Variants in LY6S observed in about 807,000 individuals in gnomAD.
LY6S encodes lymphocyte antigen 6 family member S, also known as lymphocyte antigen 6S.
the LY6S span, among the ~76,000 whole-genome samples, chr8:143,047,110 A>G: frequency 6.6e-6 from 1 of 151,848 alleles, no homozygotes; most frequent in Non-Finnish European, 1.5e-5. Context: ...AAAACTAACG[A>G]AAGACCACAA....
At chr8:143,064,664 T>C in the LY6S span, among the ~76,000 whole-genome samples, 1 of 152,226 alleles carries the variant, frequency 6.6e-6, no homozygotes, top group Admixed American at 6.5e-5. Flanking sequence ...TTTCTGTGTC[T>C]GTGGGTATGC....
chr8:143,076,294 A>C, the LY6S span, among the ~76,000 whole-genome samples: 1 of 152,160 alleles, frequency 6.6e-6, no homozygotes, highest in Non-Finnish European at 1.5e-5. Context: ...TGAGGCCCCC[A>C]CTGCTGACCC....
chr8:143,074,494 A>T, the LY6S span, among the ~76,000 whole-genome samples: 1 of 152,164 alleles, frequency 6.6e-6, no homozygotes, highest in South Asian at 2.1e-4. Context: ...TTCAGGTATT[A>T]TATTAATTGG....
At chr8:143,060,308 C>T in the LY6S span, among the ~76,000 whole-genome samples, 15 of 152,314 alleles carry the variant, frequency 9.8e-5, no homozygotes, top group African/African-American at 1.7e-4. Flanking sequence ...CAGTCAAGCC[C>T]GCCCGCAGTT....
the LY6S span, among the ~76,000 whole-genome samples, chr8:143,045,748 C>T: frequency 2.0e-5 from 3 of 152,240 alleles, no homozygotes; most frequent in Non-Finnish European, 4.4e-5. The surrounding 1 kb of genome is among the most constrained non-coding windows in gnomAD (Gnocchi z 5.3). Flanking sequence ...CTCAGCGGCT[C>T]CTCCCCTCAG....
chr8:143,066,689 A>T, the LY6S span: 1 of 156,082 alleles, frequency 6.4e-6, no homozygotes. Context: ...TCCCCATTGT[A>T]TCTTGGAAAT....
the LY6S span, among the ~76,000 whole-genome samples, chr8:143,060,887 T>A: frequency 1.3e-5 from 2 of 151,900 alleles, no homozygotes; most frequent in Non-Finnish European, 2.9e-5. Flanking sequence ...TAACCACTGA[T>A]GAATCACGTA....
At chr8:143,070,461 TATAATATATATATAAATATATATATATA>T in the LY6S span, among the ~76,000 whole-genome samples, 138 of 44,040 alleles carry the variant, frequency 3.1e-3, 4 homozygotes, top group African/African-American at 9.3e-3. Flanking sequence ...TATATATATA[TATAATATATATATAAATATATATATATA>T]TTTTTTTTTT....
chr8:143,043,182 C>T, the LY6S span: 2 of 1,367,904 alleles, frequency 1.5e-6, no homozygotes, highest in Non-Finnish European at 2.0e-6. Context: ...GCACAGGGCC[C>T]AGGGGCTGCT....
chr8:143,062,981 G>C, the LY6S span, among the ~76,000 whole-genome samples: 1 of 152,180 alleles, frequency 6.6e-6, no homozygotes, highest in Non-Finnish European at 1.5e-5. Context: ...CTTGGTATTG[G>C]CAAAGGGGAC....
At chr8:143,053,276 GT>G in the LY6S span, 13 of 152,214 alleles carry the variant, frequency 8.5e-5, no homozygotes, top group African/African-American at 2.9e-4. Context: ...AGGCTCTGAA[GT>G]TTCTATTCAA....
At chr8:143,051,315 C>T in the LY6S span, among the ~76,000 whole-genome samples, 5 of 152,022 alleles carry the variant, frequency 3.3e-5, no homozygotes, top group Admixed American at 6.6e-5. Context: ...CCAAGGCGAG[C>T]GGATCATCTG....
At chr8:143,052,885 C>T in the LY6S span, among the ~76,000 whole-genome samples, 1 of 152,186 alleles carries the variant, frequency 6.6e-6, no homozygotes, top group Non-Finnish European at 1.5e-5. Context: ...TTTGAAATGA[C>T]TTATGGGAGA....
At chr8:143,048,224 C>G in the LY6S span, among the ~76,000 whole-genome samples, 1 of 152,200 alleles carries the variant, frequency 6.6e-6, no homozygotes, top group Non-Finnish European at 1.5e-5. Context: ...TCTAAGTTGC[C>G]TGGACCGTTT....
chr8:143,043,156 T>C, the LY6S span: 1 of 1,367,564 alleles, frequency 7.3e-7, no homozygotes, highest in Non-Finnish European at 9.8e-7. Context: ...GACCCCAGGC[T>C]GAGCAGGAGC....
the LY6S span, among the ~76,000 whole-genome samples, chr8:143,069,424 A>G: frequency 5.3e-5 from 8 of 152,302 alleles, no homozygotes; most frequent in East Asian, 1.5e-3. Flanking sequence ...TCTGTCCATT[A>G]GTATCTAATT....
chr8:143,043,247 G>T, the LY6S span: 1 of 1,365,104 alleles, frequency 7.3e-7, no homozygotes, highest in African/African-American at 1.5e-5. Flanking sequence ...AGATCTGGGA[G>T]TCCACAACGG....
the LY6S span, among the ~76,000 whole-genome samples, chr8:143,048,474 T>C: frequency 1.1e-4 from 2 of 17,858 alleles, no homozygotes; most frequent in Non-Finnish European, 2.3e-4. Flanking sequence ...AATTTTCTTT[T>C]TTTTTTTTTT....
the LY6S span, among the ~76,000 whole-genome samples, chr8:143,072,891 G>T: frequency 8.3e-6 from 1 of 120,586 alleles, no homozygotes; most frequent in African/African-American, 3.0e-5. Flanking sequence ...GTCGTCCCCG[G>T]GGTCCCTGTT....
Sources: allele counts gnomAD v4.1 joint callset (sites outside exome capture counted in the v4.1 genomes callset), GRCh38; gene constraint gnomAD v4.1.1; non-coding constraint Gnocchi (gnomAD v3.1); transcripts MANE v1.5; gene names NCBI Gene and HGNC (gene_info 2026-07-23, HGNC 2026-07-21).